The following FRK variants were observed in gnomAD, a reference collection of about 807,000 sequenced individuals.
FRK encodes the protein tyrosine-protein kinase FRK.
In FRK, 51 loss-of-function variants were observed where a neutral mutation model predicts 56.4. The ratio of observed to expected loss-of-function variants is 0.90; its 90% CI spans 0.72 to 1.14. FRK has a LOEUF of 1.14. FRK is among the 50% of genes most tolerant of loss of function. The probability of loss-of-function intolerance (pLI) is 0.00; values close to 1 mark genes in which losing one functional copy is unlikely to be tolerated. For missense variants in FRK, 570 were observed against 601.4 expected (o/e 0.95, Z 0.55); for synonymous variants, 245 against 217.9 (o/e 1.12, Z -1.10).
chr6:115,974,616 C>G (rs9374587), intron 2 of FRK, among the ~76,000 whole-genome samples: 7 of 151,884 alleles, frequency 4.6e-5, no homozygotes, highest in Admixed American at 1.3e-4. Flanking sequence ...AAAGAGTAGG[C>G]TTTTTAAAAA....
chr6:115,933,222 G>A lies in FRK; in HGVS notation c.*9192C>T, dbSNP rs755684341. The A allele has an allele frequency of 2.0e-5, 3 of 152,076 alleles. No homozygotes were observed. The highest frequency in any genetic ancestry group is 3.2e-3 in the Middle Eastern group (1 of 316). 9.4% of individuals were successfully genotyped at this position (152,076 alleles called of 1,614,324 possible). ...GATTTGAAATACAACATGAAATGAT[G>A]TACTCACATCCCTCACCACCATCTC... On this transcript the variant is annotated 3_prime_UTR_variant, in exon 8 of 8. Coordinates refer to ENST00000606080, the MANE Select transcript of FRK (RefSeq NM_002031.3).
At chr6:116,026,711 G>C (rs1776108973) in intron 1 of FRK, among the ~76,000 whole-genome samples, 1 of 151,990 alleles carries the variant, frequency 6.6e-6, no homozygotes, top group South Asian at 2.1e-4. Context: ...GTTAGAGAGA[G>C]CTGGTTGCTT....
At chr6:116,000,251 TTTTTTTTTTGA>T in intron 2 of FRK, among the ~76,000 whole-genome samples, 1 of 49,978 alleles carries the variant, frequency 2.0e-5, no homozygotes, top group African/African-American at 8.1e-5. Context: ...TTTTTTTTTT[TTTTTTTTTTGA>T]GACGGAGTCT....
chr6:115,953,822 C>A (rs985988218), intron 5 of FRK, among the ~76,000 whole-genome samples: 3 of 152,160 alleles, frequency 2.0e-5, no homozygotes, highest in Non-Finnish European at 4.4e-5. Flanking sequence ...TCTATTTATT[C>A]AATACCTAAT....
At chr6:116,090,265 G>T in the FRK span, among the ~76,000 whole-genome samples, 1 of 152,162 alleles carries the variant, frequency 6.6e-6, no homozygotes, top group Admixed American at 6.5e-5. Flanking sequence ...GAGAAAACTA[G>T]GTCCTGATTT....
At chr6:116,054,250 T>C (rs1017085310) in intron 1 of FRK, among the ~76,000 whole-genome samples, 10 of 150,446 alleles carry the variant, frequency 6.6e-5, no homozygotes, top group Non-Finnish European at 1.0e-4. Context: ...AAATAACATA[T>C]GGTGAAAAAT....
At chr6:116,039,566 C>T (rs1752355143) in intron 1 of FRK, 1 of 853,358 alleles carries the variant, frequency 1.2e-6, no homozygotes, top group South Asian at 1.3e-5. Context: ...GTAACTGCCC[C>T]TCCCCTGCAC....
intron 2 of FRK, among the ~76,000 whole-genome samples, chr6:115,979,399 A>G (rs1774111947): frequency 6.6e-6 from 1 of 152,156 alleles, no homozygotes; most frequent in African/African-American, 2.4e-5. Context: ...ACAAGAGAAT[A>G]TTTTTGTAGA....
chr6:116,046,775 T>A (rs948129589), intron 1 of FRK, among the ~76,000 whole-genome samples: 2 of 151,480 alleles, frequency 1.3e-5, no homozygotes, highest in Non-Finnish European at 2.9e-5. Context: ...GAACTTAAAG[T>A]ATAATAATAA....
intron 2 of FRK, among the ~76,000 whole-genome samples, chr6:115,972,126 T>C (rs1210299092): frequency 6.6e-6 from 1 of 152,096 alleles, no homozygotes; most frequent in African/African-American, 2.4e-5. Context: ...CCTGGGCAGT[T>C]CTCCCACCAC....
intron 1 of FRK, among the ~76,000 whole-genome samples, chr6:116,018,600 T>C (rs1398557571): frequency 2.0e-5 from 3 of 152,214 alleles, no homozygotes; most frequent in Admixed American, 6.5e-5. Flanking sequence ...TATACTCTAA[T>C]AATACACAAT....
intron 5 of FRK, among the ~76,000 whole-genome samples, chr6:115,950,642 C>T (rs900487638): frequency 6.6e-6 from 1 of 152,114 alleles, no homozygotes; most frequent in Non-Finnish European, 1.5e-5. Context: ...TAGAAAATAC[C>T]ATTTGACCCA....
At chr6:116,069,495 G>A in the FRK span, among the ~76,000 whole-genome samples, 1 of 152,054 alleles carries the variant, frequency 6.6e-6, no homozygotes, top group Non-Finnish European at 1.5e-5. Flanking sequence ...ATTTGGCCAG[G>A]CATGGTGGCT....
At position 115,939,578 on chromosome 6, in the gene FRK, G is replaced by A. The variant is rs527728112; in HGVS notation, c.*2836C>T. On this transcript the variant is annotated 3_prime_UTR_variant, in exon 8 of 8. Coordinates refer to ENST00000606080, the MANE Select transcript of FRK (RefSeq NM_002031.3). ...CAGATGATATGAATTGTATATATAG[G>A]GAACCCCACCATCTCAGCCCAAAAT... The A allele has an allele frequency of 3.9e-5, 6 of 152,112 alleles. No individual in the cohort carries two copies. The highest frequency in any genetic ancestry group is 1.2e-4 in the African/African-American group (5 of 41,508). The allele number at this position is 152,112 out of a possible 1,614,324, so 9.4% of individuals were successfully genotyped here.
chr6:116,037,652 G>A (rs531086787), intron 1 of FRK, among the ~76,000 whole-genome samples: 20 of 152,010 alleles, frequency 1.3e-4, no homozygotes, highest in African/African-American at 4.6e-4. Flanking sequence ...ATTCTCTATC[G>A]TTTCTCACAC....
chr6:116,059,041 C>T (rs1777510048), intron 1 of FRK, among the ~76,000 whole-genome samples: 1 of 152,012 alleles, frequency 6.6e-6, no homozygotes, highest in Non-Finnish European at 1.5e-5. Context: ...CACCAGACCC[C>T]AAGTATCCAT....
chr6:116,094,815 G>A, the FRK span, among the ~76,000 whole-genome samples: 1 of 152,122 alleles, frequency 6.6e-6, no homozygotes, highest in African/African-American at 2.4e-5. Context: ...GGGAATCAGA[G>A]AGAAAGAGAG....
intron 1 of FRK, among the ~76,000 whole-genome samples, chr6:116,009,838 A>G (rs1775395338): frequency 6.6e-6 from 1 of 152,176 alleles, no homozygotes; most frequent in African/African-American, 2.4e-5. Flanking sequence ...TGTCTGCAGG[A>G]CATTGTTGTA....
chr6:116,055,743 A>G (rs940190128), intron 1 of FRK, among the ~76,000 whole-genome samples: 1 of 152,250 alleles, frequency 6.6e-6, no homozygotes, highest in African/African-American at 2.4e-5. Context: ...CCAGGCCTAT[A>G]GAATGGACTT....
Sources: allele counts gnomAD v4.1 joint callset (sites outside exome capture counted in the v4.1 genomes callset), GRCh38; gene constraint gnomAD v4.1.1; transcripts MANE v1.5; gene names NCBI Gene and HGNC (gene_info 2026-07-23, HGNC 2026-07-21).